The following ANK2 variants were observed in gnomAD, a reference collection of about 807,000 sequenced individuals.
ANK2 encodes ankyrin-2.
A neutral mutation model predicts 360.5 loss-of-function variants in ANK2; 83 were observed. That is an observed-to-expected ratio of 0.23 (90% CI 0.19 to 0.28). The LOEUF is 0.28. ANK2 is among the 10% of genes least tolerant of loss of function. The probability of loss-of-function intolerance (pLI) is 1.00; values close to 1 mark genes in which losing one functional copy is unlikely to be tolerated. For synonymous variants in ANK2, 1,740 were observed against 1,759.5 expected (o/e 0.99, Z 0.28); for missense variants, 4,201 against 4,795.7 (o/e 0.88, Z 3.66).
chr4:112,803,968 T>C, the ANK2 span, among the ~76,000 whole-genome samples: 2 of 151,912 alleles, frequency 1.3e-5, no homozygotes, highest in South Asian at 4.1e-4. Context: ...AAGCCCCTTA[T>C]ATACATTGCA....
At chr4:113,279,437 A>G (rs2061429091) in intron 17 of ANK2, among the ~76,000 whole-genome samples, 1 of 152,004 alleles carries the variant, frequency 6.6e-6, no homozygotes, top group Non-Finnish European at 1.5e-5. Flanking sequence ...AGATTTAAGT[A>G]GGTTAATTTT....
Position 113,287,613 on chromosome 4 carries a change from C to A in ANK2, c.2088C>A (p.Leu696=). 1 of 1,609,288 alleles carries A rather than the reference C, an allele frequency of 6.2e-7. No homozygotes were observed. The highest frequency in any genetic ancestry group is 8.5e-7 in the Non-Finnish European group (1 of 1,175,740). Residue 696 remains leucine (L), a synonymous_variant, in exon 19 of 46, where the codon CTC becomes CTA. Transcript: ENST00000357077. ...TTCCATTCTTTCTGTAGAGTGGACT[C>A]ACATCCTTACACCTTGCAGCCCAGG... The part of the protein sequence containing the change: ...ANIHMSTKSG[L]TSLHLAAQED...
intron 4 of ANK2, among the ~76,000 whole-genome samples, chr4:113,220,789 AAC>A (rs896159469): frequency 6.6e-6 from 1 of 152,238 alleles, no homozygotes; most frequent in Non-Finnish European, 1.5e-5. Flanking sequence ...AAAGGAGAAA[AAC>A]ACAAATCTAA....
rs2085338288 is a variant in ANK2 at position 113,087,294 on chromosome 4, T to G, written c.84+37482T>G. Among the ~76,000 whole-genome samples the G allele has an allele frequency of 2.0e-5, 3 of 152,182 alleles. 1 individual carries two copies. In the South Asian group the frequency reaches 6.2e-4, roughly 31 times the overall value. On this transcript the variant is annotated intron_variant, in intron 1 of 45. Coordinates refer to ENST00000357077, the MANE Select transcript of ANK2 (RefSeq NM_001148.6). ...AGAAACATCCTGGCATGTTTTTGGT[T>G]TAGCAAAATGTTTAGTGCTGTTAAA...
chr4:113,152,900 CA>C (rs1041634730), intron 1 of ANK2, among the ~76,000 whole-genome samples: 10 of 149,352 alleles, frequency 6.7e-5, no homozygotes, highest in Admixed American at 2.0e-4. Context: ...GATGCTGTCT[CA>C]AAAAAAAATA....
chr4:113,281,657 A>G (rs1462413509), intron 17 of ANK2, among the ~76,000 whole-genome samples: 1 of 152,166 alleles, frequency 6.6e-6, no homozygotes, highest in African/African-American at 2.4e-5. Flanking sequence ...TTTCTATCAC[A>G]CATTTTGAAT....
At chr4:113,097,191 C>T (rs2091466217) in intron 1 of ANK2, among the ~76,000 whole-genome samples, 1 of 151,134 alleles carries the variant, frequency 6.6e-6, no homozygotes, top group African/African-American at 2.4e-5. Flanking sequence ...GTGACCTTTG[C>T]ACCAGTTGTG....
chr4:113,153,012 A>C (rs2097151732), intron 1 of ANK2, among the ~76,000 whole-genome samples: 1 of 152,338 alleles, frequency 6.6e-6, no homozygotes, highest in South Asian at 2.1e-4. Context: ...GCTGTGTAAT[A>C]GTAGAGATTA....
At chr4:113,336,500 A>C in intron 30 of ANK2, 77 bp from the exon 31 acceptor site, 1 of 1,332,974 alleles carries the variant, frequency 7.5e-7, no homozygotes, top group Non-Finnish European at 1.0e-6. Flanking sequence ...AAGAAATTTG[A>C]AATTAAGTAT....
chr4:113,044,487 G>A (rs182960100), intron 2 of ANK2, among the ~76,000 whole-genome samples: 26 of 152,256 alleles, frequency 1.7e-4, no homozygotes, highest in Admixed American at 9.8e-4. Flanking sequence ...AACTGTACTA[G>A]TTTCCTAGGG....
the ANK2 span, among the ~76,000 whole-genome samples, chr4:112,754,920 A>G: frequency 0.023 from 3,565 of 152,304 alleles, 121 homozygotes; most frequent in African/African-American, 0.08. Context: ...AGGGAGAAAG[A>G]TGAAGATTTT....
intron 2 of ANK2, among the ~76,000 whole-genome samples, chr4:112,951,106 AT>A (rs1469268474): frequency 5.3e-5 from 8 of 149,996 alleles, no homozygotes; most frequent in African/African-American, 9.8e-5. Flanking sequence ...AAAAAAAAAA[AT>A]GTGTGCCTCT....
intron 2 of ANK2, among the ~76,000 whole-genome samples, chr4:113,035,250 A>G (rs1418337912): frequency 2.6e-5 from 4 of 151,718 alleles, no homozygotes; most frequent in Admixed American, 2.6e-4. Context: ...ATACAGAGGC[A>G]TATTAAGCAG....
intron 38 of ANK2, among the ~76,000 whole-genome samples, chr4:113,359,661 A>G (rs2096071078): frequency 6.6e-6 from 1 of 152,146 alleles, no homozygotes; most frequent in African/African-American, 2.4e-5. Context: ...AATATATTGT[A>G]TTTTGTTTCA....
At chr4:112,978,375 G>C (rs1289366174) in intron 2 of ANK2, among the ~76,000 whole-genome samples, 2 of 152,080 alleles carry the variant, frequency 1.3e-5, no homozygotes, top group Non-Finnish European at 2.9e-5. Flanking sequence ...TCCTATAAGT[G>C]TACAGTGGAT....
chr4:113,079,266 A>G (rs771073993), intron 1 of ANK2, among the ~76,000 whole-genome samples: 7 of 152,208 alleles, frequency 4.6e-5, no homozygotes, highest in Non-Finnish European at 7.3e-5. Context: ...CCCGGATACA[A>G]TCATGGCTTG....
chr4:113,288,319 G>A (rs1157723475), intron 19 of ANK2, 69 bp from the exon 20 acceptor site: 1 of 1,266,576 alleles, frequency 7.9e-7, no homozygotes, highest in Non-Finnish European at 1.1e-6. Context: ...CTTCTCCTCT[G>A]GGGTATTAAC....
chr4:113,306,978 G>A (rs1034454556), intron 23 of ANK2, among the ~76,000 whole-genome samples: 1 of 152,230 alleles, frequency 6.6e-6, no homozygotes, highest in Non-Finnish European at 1.5e-5. Flanking sequence ...TTGTAGGATC[G>A]TGAGTTGATC....
chr4:113,168,837 C>T (rs912858952), intron 1 of ANK2, among the ~76,000 whole-genome samples: 4 of 152,192 alleles, frequency 2.6e-5, no homozygotes, highest in South Asian at 2.1e-4. Flanking sequence ...AACAATAGAG[C>T]AGTCCTTGGA....
Sources: allele counts gnomAD v4.1 joint callset (sites outside exome capture counted in the v4.1 genomes callset), GRCh38; gene constraint gnomAD v4.1.1; transcripts MANE v1.5; gene names NCBI Gene and HGNC (gene_info 2026-07-23, HGNC 2026-07-21).